PTPRD: variants seen among roughly 807,000 people sequenced by gnomAD.
PTPRD encodes the protein receptor-type tyrosine-protein phosphatase delta.
A neutral mutation model predicts 214.5 loss-of-function variants in PTPRD; 34 were observed. The observed-to-expected ratio is 0.16, with a 90% confidence interval of 0.12 to 0.21. The LOEUF (loss-of-function observed/expected upper bound fraction) is 0.21, where lower values mean the gene tolerates loss of function less well. Ranked by LOEUF, PTPRD falls within the 10% of genes least tolerant of loss-of-function variation. The pLI is 1.00. For missense variants in PTPRD, 2,545 were observed against 2,398.7 expected, an observed-to-expected ratio of 1.06 and a Z score of -1.27; for synonymous variants, 1,128 against 845.7, an observed-to-expected ratio of 1.33 and a Z score of -5.79.
At chr9:8,357,381 A>C (rs189238775) in intron 39 of PTPRD, among the ~76,000 whole-genome samples, 5 of 152,312 alleles carry the variant, frequency 3.3e-5, no homozygotes, top group Non-Finnish European at 2.9e-5. Flanking sequence ...CATTCTATCA[A>C]ATGCCTTGGC....
At chr9:8,744,598 G>A (rs181546432) in intron 11 of PTPRD, among the ~76,000 whole-genome samples, 31 of 152,322 alleles carry the variant, frequency 2.0e-4, no homozygotes, top group African/African-American at 6.7e-4. Flanking sequence ...GCTAAGCTAT[G>A]AGGATGCAAA....
intron 19 of PTPRD, 113 bp downstream of exon 19, chr9:8,523,400 A>G: frequency 3.9e-6 from 5 of 1,282,292 alleles, no homozygotes; most frequent in Non-Finnish European, 5.5e-6. Flanking sequence ...GCTAAAACAT[A>G]CCATTAACCA....
Position 10,481,509 on chromosome 9 carries a change from C to T in PTPRD, c.-600+130889G>A, listed in dbSNP as rs927417304. Among the ~76,000 whole-genome samples, 8 of 152,204 alleles carry T rather than the reference C, an allele frequency of 5.3e-5. No homozygotes were observed. The East Asian group carries it at 1.5e-3, about 29-fold the overall frequency. ...AACATGAATCCTGAAGGAAGACTCA[C>T]AGATGTATTTAAGAAGACAAGGATT... is the stretch of plus-strand genomic sequence containing the variant. On this transcript the variant is annotated intron_variant, in intron 2 of 45. Transcript: ENST00000381196.
chr9:8,765,549 T>C (rs999390378), intron 11 of PTPRD, among the ~76,000 whole-genome samples: 3 of 152,152 alleles, frequency 2.0e-5, no homozygotes, highest in Admixed American at 2.0e-4. Flanking sequence ...TAGCAGAGCC[T>C]ACAAGCCAAT....
chr9:9,124,384 A>G (rs1160393363), intron 10 of PTPRD, among the ~76,000 whole-genome samples: 2 of 152,148 alleles, frequency 1.3e-5, no homozygotes, highest in Non-Finnish European at 2.9e-5. Context: ...CTAAATAACT[A>G]TCTTAAAATA....
chr9:10,300,673 C>G (rs945959594), intron 3 of PTPRD, among the ~76,000 whole-genome samples: 1 of 152,182 alleles, frequency 6.6e-6, no homozygotes, highest in African/African-American at 2.4e-5. Flanking sequence ...GCTGAGCCTA[C>G]TGCAGCTCAG....
rs114777847 is a variant in PTPRD at position 8,733,833 on chromosome 9, A to C, written c.11T>G (p.Val4Gly). MVH[V>G]ARLLLLLLTF... ...GAGGAGCAGCAGCAGCAGCCTGGCT[A>C]CGTGCACCATCCTGCAGCTTGGCAG... The change falls in exon 12 of 46, where the codon GTA becomes GGA. Residue 4 changes from valine to glycine, a missense_variant. Physicochemically the swap from Val to Gly is moderately radical, Grantham distance 109. Transcript: ENST00000381196. 756 of 1,551,960 alleles carry C rather than the reference A, an allele frequency of 4.9e-4. 4 individuals carry two copies. In the African/African-American group the frequency reaches 9.6e-3, roughly 20 times the overall value.
At chr9:8,964,295 T>A (rs1397288105) in intron 11 of PTPRD, among the ~76,000 whole-genome samples, 11 of 149,812 alleles carry the variant, frequency 7.3e-5, no homozygotes, top group Non-Finnish European at 1.5e-4. Context: ...GGAGATTGTG[T>A]GTTTCCAGGA....
chr9:10,412,937 A>C (rs1246860408), intron 2 of PTPRD, among the ~76,000 whole-genome samples: 1 of 151,926 alleles, frequency 6.6e-6, no homozygotes, highest in African/African-American at 2.4e-5. Flanking sequence ...AATTCTCAAT[A>C]AACTAGGTAT....
intron 5 of PTPRD, among the ~76,000 whole-genome samples, chr9:9,779,206 G>C (rs1350868330): frequency 2.0e-5 from 3 of 149,656 alleles, no homozygotes; most frequent in African/African-American, 7.4e-5. Context: ...AAATTAACTT[G>C]AGATGTATTA....
At chr9:8,360,100 G>C (rs750812860) in intron 39 of PTPRD, among the ~76,000 whole-genome samples, 1 of 152,142 alleles carries the variant, frequency 6.6e-6, no homozygotes, top group Non-Finnish European at 1.5e-5. Flanking sequence ...TAGATAAAAT[G>C]ACGAGATATA....
intron 2 of PTPRD, among the ~76,000 whole-genome samples, chr9:10,486,932 G>A: frequency 6.6e-6 from 1 of 152,088 alleles, no homozygotes. Context: ...TTTTATTGGG[G>A]CCTACATCTC....
chr9:8,557,455 T>TATATATATATATATATACACACATAC, intron 14 of PTPRD, among the ~76,000 whole-genome samples: 2 of 135,640 alleles, frequency 1.5e-5, no homozygotes, highest in African/African-American at 7.0e-5. Flanking sequence ...TATATATATA[T>TATATATATATATATATACACACATAC]ATTTGGGCCG....
chr9:9,866,253 T>C (rs1258485389), intron 5 of PTPRD, among the ~76,000 whole-genome samples: 2 of 152,098 alleles, frequency 1.3e-5, no homozygotes, highest in African/African-American at 2.4e-5. Context: ...CCTTAATCAG[T>C]TGTAGTTTTG....
intron 5 of PTPRD, among the ~76,000 whole-genome samples, chr9:9,843,190 T>G (rs551555034): frequency 2.0e-5 from 3 of 152,202 alleles, no homozygotes; most frequent in African/African-American, 7.2e-5. Context: ...ACAGAAAAAG[T>G]CTGCTACTCA....
chr9:9,258,175 T>G (rs1357232768), intron 9 of PTPRD, among the ~76,000 whole-genome samples: 1 of 151,888 alleles, frequency 6.6e-6, no homozygotes, highest in Non-Finnish European at 1.5e-5. Context: ...TTACGATGGC[T>G]GACAGCTGCA....
intron 9 of PTPRD, among the ~76,000 whole-genome samples, chr9:9,363,756 C>T (rs1412949554): frequency 6.6e-6 from 1 of 151,308 alleles, no homozygotes; most frequent in Non-Finnish European, 1.5e-5. Context: ...GTAGAATCTC[C>T]ACAAGCAAAA....
At chr9:9,015,225 T>G (rs2099529614) in intron 11 of PTPRD, among the ~76,000 whole-genome samples, 1 of 152,136 alleles carries the variant, frequency 6.6e-6, no homozygotes, top group Non-Finnish European at 1.5e-5. Context: ...CCTACTGGGC[T>G]GTATTCTCAG....
Position 8,712,816 on chromosome 9 carries a change from T to A in PTPRD, c.64+20964A>T, listed in dbSNP as rs901309557. On this transcript the variant is annotated intron_variant, in intron 12 of 45. Coordinates refer to ENST00000381196, the MANE Select transcript of PTPRD (RefSeq NM_002839.4). Reference sequence around the variant, plus strand: ...TCACTGCAACCTCCGCCTCCTGGGTTCAAGTGATTCTCCTGTCTCAGCCTC... The same window carrying A: ...TCACTGCAACCTCCGCCTCCTGGGTACAAGTGATTCTCCTGTCTCAGCCTC... 5.9e-5 allele frequency among the ~76,000 whole-genome samples: 9 copies of A among 152,254 alleles called. No homozygotes were observed. The East Asian group carries it at 9.7e-4, about 16-fold the overall frequency.
Sources: gnomAD v4.1 joint callset for allele counts (sites outside exome capture counted in the v4.1 genomes callset) on GRCh38, gnomAD v4.1.1 for gene constraint, MANE v1.5 for transcripts, NCBI Gene and HGNC (gene_info 2026-07-23, HGNC 2026-07-21) for gene names.